The following GUF1 variants were observed in gnomAD, a reference collection of about 807,000 sequenced individuals.
GUF1 encodes GTP binding elongation factor GUF1.
GUF1 carries 78 observed loss-of-function variants against 82.4 expected under a neutral mutation model. The observed-to-expected ratio is 0.95, with a 90% CI of 0.79 to 1.14. GUF1 has a LOEUF of 1.14. Ranked by LOEUF, GUF1 falls within the 50% of genes most tolerant of loss-of-function variation. The pLI is 0.00. For missense variants in GUF1, 814 were observed against 798.2 expected (o/e 1.02, Z -0.24); for synonymous variants, 279 against 282.3 (o/e 0.99, Z 0.12).
chr4:44,699,675 TTATTA>T lies in GUF1; in HGVS notation c.*995_*999del, dbSNP rs780778595. The T allele has an allele frequency of 2.6e-5, 4 of 152,226 alleles. No homozygotes were observed. Among genetic ancestry groups the T allele is most frequent in the Non-Finnish European group, 5.9e-5 (4 of 68,036 alleles). 9.4% of individuals were successfully genotyped at this position (152,226 alleles called of 1,614,324 possible). A position where few individuals can be genotyped will look rare whatever the true frequency, so the allele number is the denominator to read the frequency against. On this transcript the variant is annotated 3_prime_UTR_variant, in exon 17 of 17. Coordinates refer to ENST00000281543, the MANE Select transcript of GUF1 (RefSeq NM_021927.3). Reference sequence around the variant, plus strand: ...GCAGGATTAATTGATATGAATTCACTTATTAAACAGTAAACTCAAATAACATAGAC... The same window carrying T: ...GCAGGATTAATTGATATGAATTCACTAACAGTAAACTCAAATAACATAGAC...
At chr4:44,697,243 A>G (rs951029231) in intron 15 of GUF1, among the ~76,000 whole-genome samples, 165 bp from the exon 16 acceptor site, 1 of 152,202 alleles carries the variant, frequency 6.6e-6, no homozygotes, top group African/African-American at 2.4e-5. Flanking sequence ...GAAAATAAAT[A>G]CAAGAGCATT....
chr4:44,686,576 A>G lies in GUF1; in HGVS notation c.801A>G (p.Arg267=), dbSNP rs151008986. 7 of 1,612,468 alleles carry G rather than the reference A, an allele frequency of 4.3e-6. No individual in the cohort carries two copies. The highest frequency in any genetic ancestry group is 5.9e-6 in the Non-Finnish European group (7 of 1,178,920). ...LVFDSTFDQY[R]GVIANVALFD... is the part of the protein sequence containing the mutation. Reference sequence around the variant, plus strand: ...TTGACTCCACCTTTGACCAGTATAGAGGTGTGATAGCCAATGTAGCATTAT... The same window carrying G: ...TTGACTCCACCTTTGACCAGTATAGGGGTGTGATAGCCAATGTAGCATTAT... Residue 267 remains arginine, a synonymous_variant, in exon 8 of 17, where the codon AGA becomes AGG. Coordinates refer to ENST00000281543, the MANE Select transcript of GUF1 (RefSeq NM_021927.3).
Position 44,698,799 on chromosome 4 carries a change from T to C in GUF1, c.*118T>C, listed in dbSNP as rs1577572568. 5.8e-6 allele frequency: 5 copies of C among 863,782 alleles called. No homozygotes were observed. The East Asian group carries it at 8.1e-5, about 14-fold the overall frequency. 53.5% of individuals were successfully genotyped at this position (863,782 alleles called of 1,614,324 possible). ...CAGGTTCAAATAACCTACTAGTCTT[T>C]CGTTGAAAGGGAGTAGTTAGTGGGT... On this transcript the variant is annotated 3_prime_UTR_variant, in exon 17 of 17. Transcript: ENST00000281543.
At chr4:44,697,573 G>T in intron 16 of GUF1, 129 bp downstream of exon 16, 2 of 444,154 alleles carry the variant, frequency 4.5e-6, no homozygotes, top group Non-Finnish European at 8.2e-6. Flanking sequence ...TTTTTGAATA[G>T]GTAAATTTCA....
chr4:44,692,105 A>G (rs1715485840), intron 13 of GUF1, among the ~76,000 whole-genome samples: 1 of 151,932 alleles, frequency 6.6e-6, no homozygotes, highest in Admixed American at 6.6e-5. Context: ...ACCTAATTTC[A>G]AAAATTTACC....
intron 13 of GUF1, among the ~76,000 whole-genome samples, chr4:44,693,504 GAAGA>G (rs77297867): frequency 0.22 from 33,125 of 151,760 alleles, 3,754 homozygotes; most frequent in Middle Eastern, 0.36. Context: ...GATGCTTCCT[GAAGA>G]AAGAAAGGAT....
chr4:44,690,589 T>A, intron 11 of GUF1, 128 bp from the exon 12 acceptor site: 1 of 534,902 alleles, frequency 1.9e-6, no homozygotes, highest in Non-Finnish European at 3.3e-6. Context: ...TGGAATATAT[T>A]GTTTACTAAT....
chr4:44,695,776 A>G (rs759332966), intron 15 of GUF1, 42 bp downstream of exon 15: 1 of 1,587,404 alleles, frequency 6.3e-7, no homozygotes, highest in Non-Finnish European at 8.6e-7. Context: ...AGTTTCAGAA[A>G]TGATATACCT....
Position 44,680,504 on chromosome 4 carries a change from G to C in GUF1, c.229G>C (p.Val77Leu), listed in dbSNP as rs372505762. ...TAGAAATTTCAGTATTGTTGCACAC[G>C]TGGATCATGGCAAAAGTACTTTAGC... ...NIRNFSIVAH[V>L]DHGKSTLADR... Residue 77 changes from valine (V) to leucine (L), a missense_variant, in exon 2 of 17, where the codon GTG becomes CTG. Val to Leu is a conservative substitution (Grantham distance 32, BLOSUM62 1). Transcript: ENST00000281543. 8 of 1,609,844 alleles carry C rather than the reference G, an allele frequency of 5.0e-6. No individual in the cohort carries two copies. Among genetic ancestry groups the C allele is most frequent in the Non-Finnish European group, 6.8e-6 (8 of 1,177,734 alleles).
In GUF1 at chr4:44,691,807, A is replaced by T; in HGVS notation, c.1613+8A>T. 6.4e-7 allele frequency: 1 copy of T among 1,572,684 alleles called. No homozygotes were observed. The highest frequency in any genetic ancestry group is 8.6e-7 in the Non-Finnish European group (1 of 1,163,188). On this transcript the variant is annotated splice_region_variant and intron_variant, in intron 13 of 16. Coordinates refer to ENST00000281543, the MANE Select transcript of GUF1 (RefSeq NM_021927.3). ...ATCTTCTGGATATGCTAGGTAAAAA[A>T]ATAATGAGAACCTAAGATGCCTGAC...
intron 13 of GUF1, 55 bp from the exon 14 acceptor site, chr4:44,694,357 A>G (rs1577779808): frequency 9.9e-7 from 1 of 1,009,472 alleles, no homozygotes; most frequent in East Asian, 2.4e-5. Flanking sequence ...AAAGAGTAAT[A>G]AAGGTAATCT....
At chr4:44,695,922 C>T (rs758025750) in intron 15 of GUF1, among the ~76,000 whole-genome samples, 188 bp downstream of exon 15, 1 of 152,102 alleles carries the variant, frequency 6.6e-6, no homozygotes, top group Non-Finnish European at 1.5e-5. Flanking sequence ...TATAACAGCA[C>T]TGGGTGATGT....
Position 44,682,379 on chromosome 4 carries a change from G to A in GUF1, c.553G>A (p.Ala185Thr), listed in dbSNP as rs200347842. The A allele has an allele frequency of 2.9e-4, 444 of 1,535,756 alleles. No individual in the cohort carries two copies. The highest frequency in any genetic ancestry group is 3.6e-4 in the Non-Finnish European group (413 of 1,143,058). ...AGCAAACTTCTTTCTTGCCTTCGAA[G>A]CACAGCTATCGGTAATTCCAGTTAT... ...TVANFFLAFEAQLSVIPVINK... is the reference protein window; with the variant it reads ...TVANFFLAFETQLSVIPVINK... The change falls in exon 5 of 17, where the codon GCA (alanine) becomes ACA (threonine). Residue 185 changes from alanine to threonine, a missense_variant. Ala to Thr is a moderately conservative substitution (Grantham distance 58). Transcript: ENST00000281543.
In GUF1 at chr4:44,678,530, C is replaced by T. The variant is rs1714559596; in HGVS notation, c.-93C>T. 6.7e-6 allele frequency: 7 copies of T among 1,037,050 alleles called. No individual in the cohort carries two copies. The highest frequency in any genetic ancestry group is 1.7e-5 in the African/African-American group (1 of 58,836). 64.2% of individuals were successfully genotyped at this position (1,037,050 alleles called of 1,614,324 possible). A position where few individuals can be genotyped will look rare whatever the true frequency, so the allele number is the denominator to read the frequency against. On this transcript the variant is annotated 5_prime_UTR_variant, in exon 1 of 17. Transcript: ENST00000281543. ...TCACAGGATCTGTTTGAGTCCTGTCCACCGGATCCTACGGGGGGTACCTTC... is the reference window on the plus strand; with the variant it reads ...TCACAGGATCTGTTTGAGTCCTGTCTACCGGATCCTACGGGGGGTACCTTC...
In GUF1 at chr4:44,680,789, CTCTT is replaced by C. The variant is rs1190607040; in HGVS notation, c.375_378del (p.Phe126ThrfsTer10). 1 of 1,612,300 alleles carries C rather than the reference CTCTT, an allele frequency of 6.2e-7. No individual in the cohort carries two copies. Among genetic ancestry groups the C allele is most frequent in the South Asian group, 1.1e-5 (1 of 90,940 alleles). ...CACTGTTAAAGCACAGACAGCATCTCTCTTTTACAATTGTGAAGGAAAGCAGTAC... is the reference window on the plus strand; with the variant it reads ...CACTGTTAAAGCACAGACAGCATCTCTTACAATTGTGAAGGAAAGCAGTAC... On this transcript the variant is annotated frameshift_variant, in exon 3 of 17. Coordinates refer to ENST00000281543, the MANE Select transcript of GUF1 (RefSeq NM_021927.3). LOFTEE classifies it high-confidence loss of function.
In GUF1 at chr4:44,689,307, C is replaced by A. The variant is rs1379150043; in HGVS notation, c.1100C>A (p.Ser367Tyr). ...VFAGMYPLDQ[S>Y]EYNNLKSAIE... is the part of the protein sequence containing the mutation. ...CCAGGAATGTATCCTCTAGACCAAT[C>A]TGAATATAACAATCTGAAGAGTGCT... Residue 367 changes from serine (S) to tyrosine (Y), a missense_variant, in exon 10 of 17, where the codon TCT becomes TAT. By Grantham distance (144) the Ser-to-Tyr change is moderately radical. Transcript: ENST00000281543. The A allele has an allele frequency of 1.2e-6, 2 of 1,605,002 alleles. No individual in the cohort carries two copies. The highest frequency in any genetic ancestry group is 1.7e-6 in the Non-Finnish European group (2 of 1,175,042).
At chr4:44,691,836 C>CT in intron 13 of GUF1, 37 bp downstream of exon 13, 1 of 1,478,960 alleles carries the variant, frequency 6.8e-7, no homozygotes, top group Non-Finnish European at 9.1e-7. Flanking sequence ...GCCTGACCAA[C>CT]TTTTTTGAAA....
At chr4:44,695,564 T>G in intron 14 of GUF1, 51 bp from the exon 15 acceptor site, 1 of 1,526,968 alleles carries the variant, frequency 6.5e-7, no homozygotes, top group Admixed American at 1.9e-5. Flanking sequence ...AGAAAAATAC[T>G]TGAAATATTC....
Position 44,690,741 on chromosome 4 carries a change from A to G in GUF1, c.1360A>G (p.Ile454Val). 1 of 1,573,072 alleles carries G rather than the reference A, an allele frequency of 6.4e-7. No individual in the cohort carries two copies. Among genetic ancestry groups the G allele is most frequent in the Non-Finnish European group, 8.7e-7 (1 of 1,151,386 alleles). Residue 454 changes from isoleucine (I) to valine (V), a missense_variant, in exon 12 of 17, where the codon ATT becomes GTT. Transcript: ENST00000281543. ...IKEHREKEIT[I>V]INPAQFPDKS... ...GGAACATAGAGAAAAAGAAATTACA[A>G]TTATCAATCCTGCACAATTCCCCGA...
Sources: gnomAD v4.1 joint callset for allele counts (sites outside exome capture counted in the v4.1 genomes callset) on GRCh38, gnomAD v4.1.1 for gene constraint, MANE v1.5 for transcripts, NCBI Gene and HGNC (gene_info 2026-07-23, HGNC 2026-07-21) for gene names.